The following FGFR2 variants were observed in gnomAD, a reference collection of about 807,000 sequenced individuals.
FGFR2 encodes the protein fibroblast growth factor receptor 2, also known as BEK fibroblast growth factor receptor.
A neutral mutation model predicts 95.9 loss-of-function variants in FGFR2; 19 were observed. The observed-to-expected ratio is 0.20, with a 90% CI of 0.14 to 0.29. The LOEUF is 0.29. FGFR2 is among the 10% of genes least tolerant of loss of function. The pLI is 1.00. For synonymous variants in FGFR2, 392 were observed against 393.3 expected (o/e 1.00, Z 0.04); for missense variants, 707 against 1,056.9 (o/e 0.67, Z 4.59).
At chr10:121,516,433 A>G (rs1849719504) in intron 8 of FGFR2, among the ~76,000 whole-genome samples, 1 of 152,260 alleles carries the variant, frequency 6.6e-6, no homozygotes, top group African/African-American at 2.4e-5. Context: ...CAGCAGCAAC[A>G]GCACAAAAAT....
chr10:121,487,571 C>A (rs1166610309), intron 14 of FGFR2, 147 bp from the exon 15 acceptor site: 4 of 716,668 alleles, frequency 5.6e-6, no homozygotes, highest in African/African-American at 1.8e-5. Context: ...CCAATGAGGA[C>A]CATGAACAAT....
chr10:121,555,264 T>C (rs1213631883), intron 4 of FGFR2, among the ~76,000 whole-genome samples: 2 of 151,976 alleles, frequency 1.3e-5, no homozygotes, highest in East Asian at 3.9e-4. Context: ...TCCCAGCTAC[T>C]AGGGAGGGTG....
intron 6 of FGFR2, among the ~76,000 whole-genome samples, chr10:121,527,249 C>T (rs1851501480): frequency 6.6e-6 from 1 of 152,110 alleles, no homozygotes; most frequent in African/African-American, 2.4e-5. Flanking sequence ...GGTTGAGTGG[C>T]TTCTACCAGC....
Position 121,517,199 on chromosome 10 carries a change from A to AT in FGFR2, c.1084+119dup, listed in dbSNP as rs770232560. ...TTATCCCTGAGGGATCATTTTTAAC[A>AT]TTTTTTATATCTTTATGCAAGGATA... is the stretch of plus-strand genomic sequence containing the variant. On this transcript the variant is annotated intron_variant, in intron 8 of 17. Coordinates refer to ENST00000358487, the MANE Select transcript of FGFR2 (RefSeq NM_000141.5). This position sits in a 1 kb window ranked among gnomAD's most constrained non-coding sequence, Gnocchi z 4.7. The AT allele has an allele frequency of 1.8e-5, 21 of 1,166,700 alleles. No individual in the cohort carries two copies. Among genetic ancestry groups the AT allele is most frequent in the South Asian group, 1.3e-5 (1 of 77,496 alleles). The allele number at this position is 1,166,700 out of a possible 1,614,324, so 72.3% of individuals were successfully genotyped here.
At chr10:121,513,537 T>A (rs1252179439) in intron 9 of FGFR2, among the ~76,000 whole-genome samples, 1 of 152,198 alleles carries the variant, frequency 6.6e-6, no homozygotes, top group Non-Finnish European at 1.5e-5. Flanking sequence ...AAATTACAAG[T>A]TGCCTCCAGA....
At chr10:121,536,616 AAGAG>A (rs1852864041) in intron 6 of FGFR2, among the ~76,000 whole-genome samples, 1 of 152,176 alleles carries the variant, frequency 6.6e-6, no homozygotes, top group Non-Finnish European at 1.5e-5. Context: ...CCTAAACTCT[AAGAG>A]AGATTTCAGG....
intron 6 of FGFR2, among the ~76,000 whole-genome samples, chr10:121,524,788 AAG>A (rs1851117335): frequency 6.6e-6 from 1 of 152,204 alleles, no homozygotes; most frequent in South Asian, 2.1e-4. Flanking sequence ...GGCAGAGACA[AAG>A]GGGACGATGA....
chr10:121,557,403 G>C (rs1301840238), intron 4 of FGFR2, among the ~76,000 whole-genome samples: 1 of 151,998 alleles, frequency 6.6e-6, no homozygotes, highest in African/African-American at 2.4e-5. Context: ...TGACCTCCTG[G>C]GCTCAGGTGA....
At chr10:121,596,740 T>A in intron 1 of FGFR2, 2 of 193,394 alleles carry the variant, frequency 1.0e-5, no homozygotes, top group Non-Finnish European at 2.2e-5. Flanking sequence ...TTGGGGGTGC[T>A]CCCCACCACC....
At chr10:121,509,911 A>C (rs769659590) in intron 9 of FGFR2, among the ~76,000 whole-genome samples, 10 of 152,106 alleles carry the variant, frequency 6.6e-5, no homozygotes, top group Non-Finnish European at 1.5e-4. Context: ...TTTACTCCCC[A>C]GGACTGACAA....
chr10:121,538,320 C>G, intron 6 of FGFR2: 2 of 779,672 alleles, frequency 2.6e-6, no homozygotes, highest in Non-Finnish European at 4.8e-6. Context: ...TCTCAGCTTC[C>G]AAAATGTCAG....
At position 121,498,530 on chromosome 10, in the gene FGFR2, T is replaced by G. The variant is rs765658636; in HGVS notation, c.1637A>C (p.Asn546Thr). The stretch of plus-strand genomic sequence containing the variant: ...GCAGGCTCCAAGAAGATTTATGATA[T>G]TCTTGTGTTTCCCAATCATCTTCAT... ...EMMKMIGKHK[N>T]IINLLGACTQ... The change falls in exon 12 of 18, where the codon AAT becomes ACT. Residue 546 changes from asparagine (N) to threonine (T), a missense_variant. Transcript: ENST00000358487. 5.0e-6 allele frequency: 8 copies of G among 1,613,704 alleles called. No homozygotes were observed. The highest frequency in any genetic ancestry group is 6.8e-6 in the Non-Finnish European group (8 of 1,179,672).
chr10:121,548,021 G>T (rs533683885), intron 5 of FGFR2, among the ~76,000 whole-genome samples: 1 of 152,120 alleles, frequency 6.6e-6, no homozygotes, highest in East Asian at 1.9e-4. Flanking sequence ...TTGGGACTCA[G>T]TGGAATTTCT....
At chr10:121,595,661 G>A (rs1590137937) in intron 1 of FGFR2, among the ~76,000 whole-genome samples, 1 of 152,158 alleles carries the variant, frequency 6.6e-6, no homozygotes, top group East Asian at 1.9e-4. Flanking sequence ...GATTTACTAA[G>A]CATTTGCAGA....
intron 6 of FGFR2, among the ~76,000 whole-genome samples, chr10:121,536,947 C>T (rs568751671): frequency 2.6e-4 from 40 of 152,180 alleles, no homozygotes; most frequent in Non-Finnish European, 4.6e-4. Context: ...AATAGTTTTA[C>T]GTCACATTCG....
At chr10:121,567,260 G>A (rs114660645) in intron 2 of FGFR2, among the ~76,000 whole-genome samples, 1,787 of 152,282 alleles carry the variant, frequency 0.012, 31 homozygotes, top group African/African-American at 0.041. Flanking sequence ...CCACACAGGA[G>A]GCCCGGGGCT....
chr10:121,502,183 A>T (rs78328654), intron 10 of FGFR2, among the ~76,000 whole-genome samples: 1 of 152,320 alleles, frequency 6.6e-6, no homozygotes, highest in Non-Finnish European at 1.5e-5. Flanking sequence ...ACAACTCCCC[A>T]GTTCAGTTAT....
chr10:121,485,484 C>T lies in FGFR2; in HGVS notation c.2106G>A (p.Ser702=), dbSNP rs794727163. 6.2e-6 allele frequency: 10 copies of T among 1,613,912 alleles called. No homozygotes were observed. The highest frequency in any genetic ancestry group is 4.5e-5 in the East Asian group (2 of 44,866). ...LMWEIFTLGG[S]PYPGIPVEEL... ...CCTCCACGGGAATCCCTGGGTAGGG[C>T]GAGCCCCCTAAAGTGAAGATCTCCC... Residue 702 remains serine (S), a synonymous_variant, in exon 16 of 18, where the codon TCG becomes TCA. Coordinates refer to ENST00000358487, the MANE Select transcript of FGFR2 (RefSeq NM_000141.5). This position sits in a 1 kb window ranked among gnomAD's most constrained non-coding sequence, Gnocchi z 4.2.
In FGFR2 at chr10:121,567,288, C is replaced by A. The variant is rs527253185; in HGVS notation, c.110-1584G>T. Reference sequence around the variant, plus strand: ...CCGGGGCTTCTCAAGGGGGCATCACCAAAGGCATGCATGCCAAGCCCCAGA... The same window carrying A: ...CCGGGGCTTCTCAAGGGGGCATCACAAAAGGCATGCATGCCAAGCCCCAGA... On this transcript the variant is annotated intron_variant, in intron 2 of 17. Transcript: ENST00000358487. Among the ~76,000 whole-genome samples, 9 of 152,266 alleles carry A rather than the reference C, an allele frequency of 5.9e-5. No individual in the cohort carries two copies. In the East Asian group the frequency reaches 1.7e-3, roughly 29 times the overall value.
Sources: allele counts gnomAD v4.1 joint callset (sites outside exome capture counted in the v4.1 genomes callset), GRCh38; gene constraint gnomAD v4.1.1; non-coding constraint Gnocchi (gnomAD v3.1); transcripts MANE v1.5; gene names NCBI Gene and HGNC (gene_info 2026-07-23, HGNC 2026-07-21).